The following TRMT44 variants were observed in gnomAD, a reference collection of about 807,000 sequenced individuals.
TRMT44 encodes the protein tRNA methyltransferase 44 homolog.
A neutral mutation model predicts 77.3 loss-of-function variants in TRMT44; 78 were observed. That is an observed-to-expected ratio of 1.01 (90% CI 0.84 to 1.22). The LOEUF (loss-of-function observed/expected upper bound fraction) is 1.22. TRMT44 is among the 50% of genes most tolerant of loss of function. TRMT44 has a pLI of 0.00. For synonymous variants in TRMT44, 391 were observed against 383.3 expected, an observed-to-expected ratio of 1.02 and a Z score of -0.23; for missense variants, 1,090 against 964.4, an observed-to-expected ratio of 1.13 and a Z score of -1.73.
chr4:8,494,450 A>T (rs1412219951), downstream of TRMT44, among the ~76,000 whole-genome samples: 4 of 152,214 alleles, frequency 2.6e-5, no homozygotes, highest in African/African-American at 9.6e-5. Context: ...GTAGAAATGC[A>T]GGTTCACTGA....
chr4:8,494,708 G>A (rs1728102634), downstream of TRMT44, among the ~76,000 whole-genome samples: 3 of 152,132 alleles, frequency 2.0e-5, no homozygotes, highest in Admixed American at 6.5e-5. Flanking sequence ...TGTTATGGGT[G>A]TGTCCTTAAC....
chr4:8,484,336 GAGTGAGTAC>G (rs778163801), intron 2 of TRMT44, among the ~76,000 whole-genome samples: 6 of 152,212 alleles, frequency 3.9e-5, no homozygotes, highest in Non-Finnish European at 7.3e-5. Flanking sequence ...ACTCAACAAA[GAGTGAGTAC>G]AGCTGAAGGA....
intron 2 of TRMT44, among the ~76,000 whole-genome samples, chr4:8,491,482 C>T (rs971428046): frequency 3.3e-5 from 5 of 152,218 alleles, no homozygotes; most frequent in Admixed American, 6.5e-5. Context: ...CGGGGAGGCT[C>T]GGGCCGCACA....
In TRMT44 at chr4:8,475,887, G is replaced by A. The variant is rs1201505430; in HGVS notation, c.2160G>A (p.Trp720Ter). The part of the protein sequence containing the change: ...LSEACKTRLC[W>*]FFMHHPDGCA... ...AAGCCTGCAAAACCCGCCTCTGCTG[G>A]TTCTTCATGCATCACCCTGATGGCT... The change falls in exon 11 of 11, where the codon TGG (tryptophan) becomes TGA (stop). Residue 720 changes from tryptophan to a stop codon, truncating the protein, a stop_gained. Coordinates refer to ENST00000389737, the MANE Select transcript of TRMT44 (RefSeq NM_152544.3). LOFTEE classifies it low-confidence loss of function (END_TRUNC). The A allele has an allele frequency of 9.9e-6, 16 of 1,614,212 alleles. No homozygotes were observed. The highest frequency in any genetic ancestry group is 1.4e-5 in the Non-Finnish European group (16 of 1,180,054).
At chr4:8,457,832 C>T (rs1193097096) in intron 6 of TRMT44, among the ~76,000 whole-genome samples, 2 of 152,130 alleles carry the variant, frequency 1.3e-5, no homozygotes, top group Non-Finnish European at 2.9e-5. Flanking sequence ...AAGTGTCATG[C>T]CTGACTTCAC....
chr4:8,489,559 C>T (rs1163068006), intron 2 of TRMT44, among the ~76,000 whole-genome samples: 2 of 152,200 alleles, frequency 1.3e-5, no homozygotes, highest in East Asian at 3.8e-4. Flanking sequence ...TCACTGCAAC[C>T]TCCGCCTCCC....
chr4:8,457,192 T>C (rs900954251), intron 6 of TRMT44, among the ~76,000 whole-genome samples: 1 of 152,164 alleles, frequency 6.6e-6, no homozygotes, highest in African/African-American at 2.4e-5. Flanking sequence ...AGGGACAGGC[T>C]AGGTCTGCTG....
the TRMT44 span, among the ~76,000 whole-genome samples, chr4:8,499,946 C>G: frequency 6.6e-6 from 1 of 152,170 alleles, no homozygotes; most frequent in Non-Finnish European, 1.5e-5. Flanking sequence ...GAGCTCTCAG[C>G]CTATGGGCGC....
At chr4:8,498,240 C>T (rs1368392885), downstream of TRMT44, among the ~76,000 whole-genome samples, 1 of 152,178 alleles carries the variant, frequency 6.6e-6, no homozygotes, top group Admixed American at 6.5e-5. This position sits in a 1 kb window ranked among gnomAD's most constrained non-coding sequence, Gnocchi z 4.3. Flanking sequence ...GCACCCTGTG[C>T]ACTGCAGGGT....
In TRMT44 at chr4:8,448,838, C is replaced by T. The variant is rs934924411; in HGVS notation, c.735-831C>T. On this transcript the variant is annotated intron_variant, in intron 2 of 10. Transcript: ENST00000389737. ...CTCCAGTGGGGCCATGCTGCTGCCG[C>T]GCCCTCAGCACACTTGTGAGGCCCT... is the stretch of plus-strand genomic sequence containing the variant. Among the ~76,000 whole-genome samples the T allele has an allele frequency of 4.6e-5, 7 of 152,248 alleles. No individual in the cohort carries two copies. In the East Asian group the frequency reaches 5.8e-4, roughly 13 times the overall value.
At chr4:8,454,478 G>T in intron 5 of TRMT44, 1 of 558,752 alleles carries the variant, frequency 1.8e-6, no homozygotes, top group Non-Finnish European at 3.2e-6. Flanking sequence ...CAGTACAGCA[G>T]CAAGAAAATC....
At chr4:8,473,929 C>T (rs370587200) in intron 10 of TRMT44, among the ~76,000 whole-genome samples, 5 of 152,150 alleles carry the variant, frequency 3.3e-5, no homozygotes, top group Admixed American at 6.5e-5. Context: ...CTGCCTGCGC[C>T]GTTCGGGAGC....
chr4:8,456,472 T>C (rs999273130), intron 6 of TRMT44, among the ~76,000 whole-genome samples: 5 of 151,596 alleles, frequency 3.3e-5, no homozygotes, highest in African/African-American at 1.2e-4. Context: ...ATATGTCTTA[T>C]AGATTTCAGT....
chr4:8,474,392 A>G (rs888891689), intron 10 of TRMT44, among the ~76,000 whole-genome samples: 4 of 152,060 alleles, frequency 2.6e-5, no homozygotes, highest in African/African-American at 4.8e-5. Context: ...CTCAGCTCCA[A>G]TGTTGGGAGG....
intron 5 of TRMT44, 89 bp downstream of exon 5, chr4:8,453,078 A>T: frequency 1.4e-6 from 1 of 723,894 alleles, no homozygotes; most frequent in Non-Finnish European, 2.1e-6. Flanking sequence ...TTTTCTGCTG[A>T]TACAGCCTGG....
At chr4:8,448,246 G>A (rs993080496) in intron 2 of TRMT44, among the ~76,000 whole-genome samples, 6 of 152,210 alleles carry the variant, frequency 3.9e-5, no homozygotes, top group African/African-American at 1.4e-4. Context: ...GTCGATGTGC[G>A]TGCTTCTTCG....
rs190440794 is a variant in TRMT44, at chr4:8,448,267, C to T, written c.735-1402C>T. The stretch of plus-strand genomic sequence containing the variant: ...GTGCGTGCTTCTTCGCAGCTGGATT[C>T]ATTTTCGGCAACATTTGTTGTGTGC... On this transcript the variant is annotated intron_variant, in intron 2 of 10. Coordinates refer to ENST00000389737, the MANE Select transcript of TRMT44 (RefSeq NM_152544.3). Among the ~76,000 whole-genome samples the T allele has an allele frequency of 1.7e-3, 263 of 152,322 alleles. 2 individuals carry two copies. Among genetic ancestry groups the T allele is most frequent in the Non-Finnish European group, 3.1e-4 (21 of 68,036 alleles).
chr4:8,469,356 C>T (rs1202578708), intron 9 of TRMT44, among the ~76,000 whole-genome samples: 2 of 152,222 alleles, frequency 1.3e-5, no homozygotes, highest in Non-Finnish European at 2.9e-5. Context: ...TAAAGGCACC[C>T]TGCTGTGGTG....
At chr4:8,490,439 C>G (rs892585494) in intron 2 of TRMT44, among the ~76,000 whole-genome samples, 3 of 151,176 alleles carry the variant, frequency 2.0e-5, no homozygotes, top group African/African-American at 7.3e-5. Flanking sequence ...AGACCTTCGC[C>G]GTGAGTGTTA....
Sources: gnomAD v4.1 joint callset for allele counts (sites outside exome capture counted in the v4.1 genomes callset) on GRCh38, gnomAD v4.1.1 for gene constraint, Gnocchi (gnomAD v3.1) non-coding constraint, MANE v1.5 for transcripts, NCBI Gene and HGNC (gene_info 2026-07-23, HGNC 2026-07-21) for gene names.